Variants in PDE1A observed in about 807,000 individuals in gnomAD.
The protein encoded by PDE1A is dual specificity calcium/calmodulin-dependent 3',5'-cyclic nucleotide phosphodiesterase 1A.
A neutral mutation model predicts 61.7 loss-of-function variants in PDE1A; 35 were observed. The ratio of observed to expected loss-of-function variants is 0.57; its 90% CI spans 0.43 to 0.75. The LOEUF (loss-of-function observed/expected upper bound fraction) is 0.75, where lower values mean the gene tolerates loss of function less well. Ranked by LOEUF, PDE1A falls within the 30% of genes least tolerant of loss-of-function variation. The pLI is 0.00. For synonymous variants in PDE1A, 232 were observed against 213.2 expected (o/e 1.09, Z -0.77); for missense variants, 597 against 630.6 (o/e 0.95, Z 0.57).
chr2:182,141,623 G>T (rs1252855218), exon 15 of PDE1A: 1 of 152,122 alleles, frequency 6.6e-6, no homozygotes, highest in African/African-American at 2.4e-5. Flanking sequence ...ATAGAATATG[G>T]CTTACACATT....
At chr2:182,605,539 GC>G in the PDE1A span, among the ~76,000 whole-genome samples, 1 of 152,236 alleles carries the variant, frequency 6.6e-6, no homozygotes, top group Non-Finnish European at 1.5e-5. Context: ...CCAATGGATG[GC>G]CTCGTGAAAT....
At chr2:182,271,702 C>T (rs1198936563) in intron 1 of PDE1A, among the ~76,000 whole-genome samples, 1 of 152,060 alleles carries the variant, frequency 6.6e-6, no homozygotes, top group African/African-American at 2.4e-5. Flanking sequence ...TCTGAAATAA[C>T]TGAGTCATAT....
intron 13 of PDE1A, among the ~76,000 whole-genome samples, chr2:182,179,852 T>C (rs984146150): frequency 7.9e-5 from 12 of 152,162 alleles, no homozygotes; most frequent in African/African-American, 2.9e-4. Flanking sequence ...GTGAAGTAGA[T>C]AATAAAAATG....
In PDE1A at chr2:182,274,914, C is replaced by T. The variant is rs73032448; in HGVS notation, c.54-10500G>A. ...ACATTGACAGAAGTAGTTTTGAGAA[C>T]GCATCATCACTGGTATAAACTTCTG... On this transcript the variant is annotated intron_variant, in intron 1 of 13. Transcript: ENST00000351439. Among the ~76,000 whole-genome samples the T allele has an allele frequency of 8.4e-3, 1,280 of 152,048 alleles. 10 individuals are homozygous for T. The highest frequency in any genetic ancestry group is 0.023 in the African/African-American group (955 of 41,468).
intron 2 of PDE1A, among the ~76,000 whole-genome samples, chr2:182,472,347 T>C (rs927141046): frequency 6.6e-6 from 1 of 151,912 alleles, no homozygotes; most frequent in Admixed American, 6.6e-5. Context: ...GAAAATGTGG[T>C]ATATATACAC....
chr2:182,296,403 T>C (rs1300092313), intron 1 of PDE1A, among the ~76,000 whole-genome samples: 1 of 152,148 alleles, frequency 6.6e-6, no homozygotes, highest in Non-Finnish European at 1.5e-5. Flanking sequence ...GTTTTGCAAA[T>C]ATTTGGATGT....
intron 1 of PDE1A, among the ~76,000 whole-genome samples, chr2:182,397,762 G>A (rs1364848332): frequency 6.6e-6 from 1 of 152,044 alleles, no homozygotes; most frequent in Non-Finnish European, 1.5e-5. Context: ...TCAGGGATCA[G>A]TTTTTGGTCA....
the PDE1A span, among the ~76,000 whole-genome samples, chr2:182,668,173 G>A: frequency 6.6e-6 from 1 of 152,164 alleles, no homozygotes; most frequent in Non-Finnish European, 1.5e-5. Context: ...AGAGTAGCCT[G>A]AGGTAGCACC....
the PDE1A span, among the ~76,000 whole-genome samples, chr2:182,573,353 A>G: frequency 3.9e-5 from 6 of 152,312 alleles, no homozygotes; most frequent in East Asian, 1.2e-3. Context: ...GAAATAGAGG[A>G]CAGAGAGAAA....
rs532675807 is a variant in PDE1A, at chr2:182,248,821, G to T, written c.168-8529C>A. 2.0e-5 allele frequency among the ~76,000 whole-genome samples: 3 copies of T among 152,284 alleles called. No homozygotes were observed. The East Asian group carries it at 5.8e-4, about 29-fold the overall frequency. On this transcript the variant is annotated intron_variant, in intron 2 of 13. Coordinates refer to ENST00000351439, the Ensembl canonical transcript of PDE1A. Reference sequence around the variant, plus strand: ...CAGTTAGGAGATACTGGTTTCTCAAGTTTGAAATGTTCCTTTCCTGCTTTA... The same window carrying T: ...CAGTTAGGAGATACTGGTTTCTCAATTTTGAAATGTTCCTTTCCTGCTTTA...
chr2:182,609,568 G>A, the PDE1A span, among the ~76,000 whole-genome samples: 7 of 152,246 alleles, frequency 4.6e-5, no homozygotes, highest in South Asian at 8.3e-4. Flanking sequence ...CAGACGTGCC[G>A]TCTTAAGAGC....
chr2:182,188,682 A>G (rs1266410985), intron 11 of PDE1A, among the ~76,000 whole-genome samples: 1 of 152,232 alleles, frequency 6.6e-6, no homozygotes, highest in Non-Finnish European at 1.5e-5. Flanking sequence ...ACAGAAAACA[A>G]TAATCAGCAA....
intron 1 of PDE1A, among the ~76,000 whole-genome samples, chr2:182,364,545 A>T (rs1396155324): frequency 6.8e-6 from 1 of 146,538 alleles, no homozygotes; most frequent in Non-Finnish European, 1.5e-5. Context: ...TTGCAGGAAA[A>T]GCTAGTACAT....
the PDE1A span, among the ~76,000 whole-genome samples, chr2:182,696,866 A>C: frequency 6.6e-6 from 1 of 152,224 alleles, no homozygotes; most frequent in Non-Finnish European, 1.5e-5. Flanking sequence ...TTAGGTCATA[A>C]AGTCTAATGT....
chr2:182,533,235 C>A, the PDE1A span, among the ~76,000 whole-genome samples: 1 of 151,926 alleles, frequency 6.6e-6, no homozygotes, highest in African/African-American at 2.4e-5. Context: ...CACCTGAACC[C>A]GTGGGGTGGA....
At chr2:182,325,832 T>C (rs1174698290) in intron 1 of PDE1A, among the ~76,000 whole-genome samples, 2 of 152,132 alleles carry the variant, frequency 1.3e-5, no homozygotes, top group Non-Finnish European at 2.9e-5. Flanking sequence ...AGCAGGAGAA[T>C]TGCTTGAACC....
intron 1 of PDE1A, among the ~76,000 whole-genome samples, chr2:182,341,065 G>A (rs769906868): frequency 7.9e-5 from 12 of 152,132 alleles, no homozygotes; most frequent in Non-Finnish European, 1.5e-4. Flanking sequence ...ACAGGAATTT[G>A]GCTGTTCATT....
intron 1 of PDE1A, among the ~76,000 whole-genome samples, chr2:182,283,576 AT>A: frequency 6.6e-6 from 1 of 152,184 alleles, no homozygotes; most frequent in African/African-American, 2.4e-5. Context: ...TTTAAAAAAA[AT>A]CTTTTCAACT....
intron 2 of PDE1A, among the ~76,000 whole-genome samples, chr2:182,244,529 G>T (rs1690807215): frequency 6.6e-6 from 1 of 151,570 alleles, no homozygotes; most frequent in Admixed American, 6.6e-5. Context: ...TCACCTCCTT[G>T]TATTATCATA....
Sources: gnomAD v4.1 joint callset for allele counts (sites outside exome capture counted in the v4.1 genomes callset) on GRCh38, gnomAD v4.1.1 for gene constraint, MANE v1.5 for transcripts, NCBI Gene and HGNC (gene_info 2026-07-23, HGNC 2026-07-21) for gene names.